Variants in NEGR1 observed in about 807,000 individuals in gnomAD.
The protein encoded by NEGR1 is neuronal growth regulator 1.
NEGR1 carries 10 observed loss-of-function variants against 40.9 expected under a neutral mutation model. The observed-to-expected ratio is 0.24, with a 90% confidence interval of 0.15 to 0.42. NEGR1 has a LOEUF of 0.42. Among genes scored for constraint, NEGR1 ranks in the 10% least tolerant of loss-of-function variants. The probability of loss-of-function intolerance (pLI) is 1.00; values close to 1 mark genes in which losing one functional copy is unlikely to be tolerated. For synonymous variants in NEGR1, 185 were observed against 166.8 expected (o/e 1.11, Z -0.84); for missense variants, 352 against 438.9 (o/e 0.80, Z 1.77).
chr1:72,123,645 G>A (rs1029251667), intron 1 of NEGR1, among the ~76,000 whole-genome samples: 1 of 151,710 alleles, frequency 6.6e-6, no homozygotes, highest in African/African-American at 2.4e-5. Context: ...GGGAGGACAT[G>A]TCATAGGTAA....
At chr1:71,688,403 T>TATAAAAGATATATATATAA (rs1557613864) in intron 4 of NEGR1, among the ~76,000 whole-genome samples, 1 of 30,148 alleles carries the variant, frequency 3.3e-5, no homozygotes, top group Non-Finnish European at 6.2e-5. Flanking sequence ...AATATATATA[T>TATAAAAGATATATATATAA]AAGATATATA....
chr1:72,161,005 G>A (rs1651534969), intron 1 of NEGR1, among the ~76,000 whole-genome samples: 1 of 152,104 alleles, frequency 6.6e-6, no homozygotes, highest in East Asian at 1.9e-4. Flanking sequence ...GTGTTTAATA[G>A]GGGCAATTAG....
chr1:71,752,496 G>T (rs1360657680), intron 3 of NEGR1, among the ~76,000 whole-genome samples: 1 of 152,164 alleles, frequency 6.6e-6, no homozygotes, highest in Non-Finnish European at 1.5e-5. Context: ...AATATCTGAT[G>T]TAAGATTATC....
chr1:71,566,801 T>A (rs994747707), intron 6 of NEGR1, among the ~76,000 whole-genome samples: 4 of 152,168 alleles, frequency 2.6e-5, no homozygotes, highest in Admixed American at 6.5e-5. Context: ...AGAAATGTAT[T>A]TCTCATAGTT....
chr1:72,182,796 AT>A lies in NEGR1; in HGVS notation c.176+99522del, dbSNP rs1652432752. On this transcript the variant is annotated intron_variant, in intron 1 of 6. Transcript: ENST00000357731. ...TGCGTGTGTATATATATATATATAT[AT>A]ATGTTTGTATGTGTATATGTGTGTG... Among the ~76,000 whole-genome samples, 5 of 146,206 alleles carry A rather than the reference AT, an allele frequency of 3.4e-5. No homozygotes were observed. In the South Asian group the frequency reaches 1.1e-3, roughly 32 times the overall value.
chr1:71,407,601 A>G, intron 6 of NEGR1, 31 bp from the exon 7 acceptor site: 2 of 1,607,526 alleles, frequency 1.2e-6, no homozygotes, highest in Non-Finnish European at 1.7e-6. Flanking sequence ...TTAAATCAAA[A>G]TCTAATTTGT....
chr1:72,045,494 C>T (rs572909456), intron 1 of NEGR1, among the ~76,000 whole-genome samples: 5 of 151,800 alleles, frequency 3.3e-5, no homozygotes, highest in Non-Finnish European at 7.4e-5. Context: ...CTGTGCTGTT[C>T]TCCTGATAGT....
At chr1:72,276,698 T>C (rs1019514151) in intron 1 of NEGR1, among the ~76,000 whole-genome samples, 3 of 152,170 alleles carry the variant, frequency 2.0e-5, no homozygotes, top group Non-Finnish European at 4.4e-5. Context: ...TTACATCCAG[T>C]GCTGGCGAGC....
intron 6 of NEGR1, among the ~76,000 whole-genome samples, chr1:71,511,271 T>C (rs1402320039): frequency 6.6e-6 from 1 of 152,222 alleles, no homozygotes; most frequent in Admixed American, 6.5e-5. Flanking sequence ...TTAAACATGT[T>C]ATGATGCTTT....
Position 71,611,094 on chromosome 1 carries a change from A to T in NEGR1, c.720T>A (p.Ser240Arg). The T allele has an allele frequency of 6.2e-7, 1 of 1,613,936 alleles. No homozygotes were observed. Among genetic ancestry groups the T allele is most frequent in the South Asian group, 1.1e-5 (1 of 91,070 alleles). ...IKSGTVTPGR[S>R]GLIRCEGAGV... ...CTGCACCTTCACATCTTATCAGGCCACTGCGTCCGGGGGTCACGGTGCCAG... is the reference window on the plus strand; with the variant it reads ...CTGCACCTTCACATCTTATCAGGCCTCTGCGTCCGGGGGTCACGGTGCCAG... The change falls in exon 5 of 7, where the codon AGT (serine) becomes AGA (arginine). Residue 240 changes from serine (S) to arginine (R), a missense_variant. This residue lies in a region of NEGR1 where 184 missense variants were observed against 208.7 expected (regional missense o/e 0.88). Coordinates refer to ENST00000357731, the MANE Select transcript of NEGR1 (RefSeq NM_173808.3).
chr1:72,275,330 A>C (rs2100564469), intron 1 of NEGR1, among the ~76,000 whole-genome samples: 1 of 152,198 alleles, frequency 6.6e-6, no homozygotes, highest in South Asian at 2.1e-4. Flanking sequence ...ACTGTAGAAA[A>C]ATCTGAGATT....
chr1:72,274,756 T>A, intron 1 of NEGR1: 1 of 1,189,040 alleles, frequency 8.4e-7, no homozygotes, highest in Non-Finnish European at 1.3e-6. Context: ...AATTGCTTGC[T>A]GTAAGCAGTT....
intron 2 of NEGR1, among the ~76,000 whole-genome samples, chr1:71,928,049 C>CACACACACATAT (rs762927832): frequency 8.1e-5 from 7 of 86,188 alleles, no homozygotes; most frequent in Admixed American, 5.5e-4. Flanking sequence ...CACACACACA[C>CACACACACATAT]GTATATATAT....
At chr1:72,282,278 A>C (rs1309570301) in intron 1 of NEGR1, 41 bp downstream of exon 1, 1 of 1,608,780 alleles carries the variant, frequency 6.2e-7, no homozygotes, top group Admixed American at 1.7e-5. Context: ...AGACAGAAAG[A>C]TAGACCGAAA....
intron 1 of NEGR1, among the ~76,000 whole-genome samples, chr1:72,108,414 C>T (rs1569977083): frequency 6.6e-6 from 1 of 151,266 alleles, no homozygotes; most frequent in Non-Finnish European, 1.5e-5. Context: ...ATTACACTGG[C>T]AAATATGACA....
chr1:71,646,797 T>G (rs1395423273), intron 4 of NEGR1, among the ~76,000 whole-genome samples: 1 of 151,820 alleles, frequency 6.6e-6, no homozygotes, highest in African/African-American at 2.4e-5. Flanking sequence ...TCAGGGACTT[T>G]ACAAGAGAAA....
At chr1:71,647,404 T>A (rs147800309) in intron 4 of NEGR1, among the ~76,000 whole-genome samples, 2 of 152,110 alleles carry the variant, frequency 1.3e-5, no homozygotes, top group African/African-American at 4.8e-5. Context: ...TCATGTCTAG[T>A]AAAGAAGGAA....
chr1:71,886,965 G>A lies in NEGR1; in HGVS notation c.409+48114C>T, dbSNP rs998391723. Among the ~76,000 whole-genome samples the A allele has an allele frequency of 7.8e-4, 119 of 152,100 alleles. 1 individual carries two copies. The highest frequency in any genetic ancestry group is 2.8e-3 in the African/African-American group (118 of 41,408). ...AGTTAGCACTGAACACTGCACTGTT[G>A]AAAATTCATTTATAACTTCTGACTC... On this transcript the variant is annotated intron_variant, in intron 2 of 6. Transcript: ENST00000357731.
chr1:72,135,029 G>A (rs560532802), intron 1 of NEGR1, among the ~76,000 whole-genome samples: 16 of 150,958 alleles, frequency 1.1e-4, no homozygotes, highest in African/African-American at 2.2e-4. Context: ...GAGCCACTGC[G>A]CCTGGCCCGA....
Sources: allele counts gnomAD v4.1 joint callset (sites outside exome capture counted in the v4.1 genomes callset), GRCh38; gene constraint gnomAD v4.1.1; regional missense constraint gnomAD v4.1.1; transcripts MANE v1.5; gene names NCBI Gene and HGNC (gene_info 2026-07-23, HGNC 2026-07-21).